CTNNA2: variants seen among roughly 807,000 people sequenced by gnomAD.
CTNNA2 encodes the protein catenin alpha 2, also known as catenin alpha-2.
CTNNA2 carries 42 observed loss-of-function variants against 101.0 expected under a neutral mutation model. The observed-to-expected ratio is 0.42, with a 90% CI of 0.32 to 0.54. CTNNA2 has a LOEUF of 0.54. CTNNA2 is among the 20% of genes least tolerant of loss of function. The pLI is 0.14. For missense variants in CTNNA2, 871 were observed against 1,223.1 expected (o/e 0.71, Z 4.29); for synonymous variants, 450 against 456.4 (o/e 0.99, Z 0.18).
At chr2:79,839,015 GT>G (rs202231145) in intron 3 of CTNNA2, among the ~76,000 whole-genome samples, 2 of 152,084 alleles carry the variant, frequency 1.3e-5, no homozygotes, top group South Asian at 2.1e-4. Context: ...ACTGGGCAAA[GT>G]TTTTTTATAC....
intron 9 of CTNNA2, among the ~76,000 whole-genome samples, chr2:80,488,832 A>C (rs1317393411): frequency 1.3e-5 from 2 of 152,196 alleles, no homozygotes; most frequent in African/African-American, 4.8e-5. Flanking sequence ...TTAAATTCAC[A>C]TTTCTTAGTG....
intron 6 of CTNNA2, 96 bp from the exon 7 acceptor site, chr2:79,909,498 T>C: frequency 9.9e-7 from 1 of 1,006,796 alleles, no homozygotes; most frequent in South Asian, 1.7e-5. Flanking sequence ...TGGGGACTCC[T>C]GTTCTTGCCT....
intron 4 of CTNNA2, chr2:79,500,710 A>T (rs1671310021): frequency 6.6e-6 from 1 of 152,198 alleles, no homozygotes; most frequent in Non-Finnish European, 1.5e-5. Context: ...GTCTCACGGG[A>T]GAAGCTATTG....
At chr2:79,294,255 A>G (rs1314423081) in intron 2 of CTNNA2, among the ~76,000 whole-genome samples, 1 of 151,840 alleles carries the variant, frequency 6.6e-6, no homozygotes, top group African/African-American at 2.4e-5. Context: ...GAGGAGGAGG[A>G]GGAGGAGAAG....
intron 9 of CTNNA2, among the ~76,000 whole-genome samples, chr2:80,530,428 C>T (rs147187075): frequency 1.2e-4 from 19 of 152,282 alleles, no homozygotes; most frequent in African/African-American, 4.6e-4. Context: ...TCAATGAAAA[C>T]CAGGAGGCCT....
At chr2:80,085,367 C>A (rs776194713) in intron 7 of CTNNA2, among the ~76,000 whole-genome samples, 1 of 152,062 alleles carries the variant, frequency 6.6e-6, no homozygotes, top group Non-Finnish European at 1.5e-5. Flanking sequence ...TTAGCCAAAG[C>A]AGGTCACATT....
At chr2:80,454,706 C>A (rs141502477) in intron 9 of CTNNA2, among the ~76,000 whole-genome samples, 1 of 152,174 alleles carries the variant, frequency 6.6e-6, no homozygotes, top group Admixed American at 6.5e-5. Flanking sequence ...GGGCAGCATG[C>A]GGCACACTTG....
intron 15 of CTNNA2, among the ~76,000 whole-genome samples, chr2:80,591,457 G>GTTTTTTTTTGTTTTT (rs1696488662): frequency 8.5e-5 from 6 of 70,310 alleles, no homozygotes; most frequent in South Asian, 4.3e-4. Flanking sequence ...TGCACAGCCT[G>GTTTTTTTTTGTTTTT]TTTTTTTTTT....
rs550815323 is a variant in CTNNA2 at position 79,682,823 on chromosome 2, G to A, written c.102+31165G>A. The stretch of plus-strand genomic sequence containing the variant: ...TACCTCTCTGTAAATTGTCATAAAT[G>A]CCTGTGGATTTGTGCCTAAGCCTTA... On this transcript the variant is annotated intron_variant, in intron 2 of 18. Coordinates refer to ENST00000402739, the MANE Select transcript of CTNNA2 (RefSeq NM_001282597.3). Among the ~76,000 whole-genome samples the A allele has an allele frequency of 6.6e-5, 10 of 152,260 alleles. 1 individual carries two copies. Among genetic ancestry groups the A allele is most frequent in the African/African-American group, 2.4e-4 (10 of 41,562 alleles).
rs184656344 is a variant in CTNNA2, at chr2:79,927,614, G to A, written c.1056+17817G>A. ...TATCAATTATTCATTGAACTCACATGTCAGCTAAGTTAGGGCTGATCAAAT... is the reference window on the plus strand; with the variant it reads ...TATCAATTATTCATTGAACTCACATATCAGCTAAGTTAGGGCTGATCAAAT... On this transcript the variant is annotated intron_variant, in intron 7 of 18. Coordinates refer to ENST00000402739, the MANE Select transcript of CTNNA2 (RefSeq NM_001282597.3). Among the ~76,000 whole-genome samples, 313 of 152,236 alleles carry A rather than the reference G, an allele frequency of 2.1e-3. 2 individuals carry two copies. Among genetic ancestry groups the A allele is most frequent in the South Asian group, 5.0e-3 (24 of 4,828 alleles).
intron 7 of CTNNA2, among the ~76,000 whole-genome samples, chr2:79,935,917 A>G (rs1687756915): frequency 1.3e-5 from 2 of 152,240 alleles, no homozygotes; most frequent in South Asian, 4.1e-4. Context: ...AGTTCTTTGG[A>G]CTGTCAAAGG....
At chr2:80,479,012 G>A (rs937242383) in intron 9 of CTNNA2, among the ~76,000 whole-genome samples, 1 of 147,960 alleles carries the variant, frequency 6.8e-6, no homozygotes, top group Non-Finnish European at 1.5e-5. Flanking sequence ...ATGAGCATGG[G>A]TTTTTTTTTT....
chr2:79,736,145 G>A (rs779295382), intron 2 of CTNNA2, among the ~76,000 whole-genome samples: 22 of 152,038 alleles, frequency 1.4e-4, no homozygotes, highest in Middle Eastern at 3.2e-3. Context: ...CTCCCTTTGC[G>A]TCAGAATTTG....
intron 3 of CTNNA2, among the ~76,000 whole-genome samples, chr2:79,754,361 T>C (rs1672257573): frequency 6.6e-6 from 1 of 152,040 alleles, no homozygotes; most frequent in Admixed American, 6.6e-5. Context: ...GGTGAGGTGT[T>C]AGTGGAATGA....
At chr2:79,997,980 A>G (rs1057428716) in intron 7 of CTNNA2, among the ~76,000 whole-genome samples, 4 of 152,196 alleles carry the variant, frequency 2.6e-5, no homozygotes, top group African/African-American at 2.4e-5. Context: ...TGGGTGATAA[A>G]TAGTTAACCG....
At chr2:80,526,645 A>C (rs1020517889) in intron 9 of CTNNA2, among the ~76,000 whole-genome samples, 4 of 152,060 alleles carry the variant, frequency 2.6e-5, no homozygotes, top group African/African-American at 9.7e-5. Flanking sequence ...TCTGTGCCTC[A>C]ATTTTCTCAT....
intron 4 of CTNNA2, among the ~76,000 whole-genome samples, chr2:79,465,382 T>C (rs1322137889): frequency 6.6e-6 from 1 of 152,128 alleles, no homozygotes; most frequent in Non-Finnish European, 1.5e-5. Flanking sequence ...TTTTGGTTAC[T>C]TAGCCTTGTA....
At chr2:80,507,038 A>T (rs1688330206) in intron 9 of CTNNA2, among the ~76,000 whole-genome samples, 1 of 152,190 alleles carries the variant, frequency 6.6e-6, no homozygotes, top group Admixed American at 6.5e-5. Context: ...TATTGTGATG[A>T]AAGAGTTTAG....
upstream of CTNNA2, among the ~76,000 whole-genome samples, chr2:79,511,313 A>C (rs1671533504): frequency 1.3e-5 from 2 of 152,178 alleles, no homozygotes; most frequent in Admixed American, 1.3e-4. Context: ...AATCTTATTC[A>C]TGCTTCAAAA....
Sources: gnomAD v4.1 joint callset for allele counts (sites outside exome capture counted in the v4.1 genomes callset) on GRCh38, gnomAD v4.1.1 for gene constraint, MANE v1.5 for transcripts, NCBI Gene and HGNC (gene_info 2026-07-23, HGNC 2026-07-21) for gene names.